TRDN: variants seen among roughly 807,000 people sequenced by gnomAD.
TRDN encodes triadin in skeletal muscle.
In TRDN, 161 loss-of-function variants were observed where a neutral mutation model predicts 149.7. The ratio of observed to expected loss-of-function variants is 1.08; its 90% CI spans 0.95 to 1.23. The LOEUF (loss-of-function observed/expected upper bound fraction) is 1.23. TRDN is among the 50% of genes most tolerant of loss of function. The probability of loss-of-function intolerance (pLI) is 0.00; values close to 1 mark genes in which losing one functional copy is unlikely to be tolerated. For missense variants in TRDN, 896 were observed against 823.5 expected (o/e 1.09, Z -1.08); for synonymous variants, 294 against 250.5 (o/e 1.17, Z -1.64).
At position 123,273,031 on chromosome 6, in the gene TRDN, A is replaced by T; in HGVS notation, c.1625-20T>A. 6.9e-7 allele frequency: 1 copy of T among 1,458,650 alleles called. No homozygotes were observed. Among genetic ancestry groups the T allele is most frequent in the Non-Finnish European group, 9.1e-7 (1 of 1,095,484 alleles). 90.4% of individuals were successfully genotyped at this position (1,458,650 alleles called of 1,614,324 possible). On this transcript the variant is annotated intron_variant, in intron 28 of 40. Transcript: ENST00000334268. Reference sequence around the variant, plus strand: ...CTTGTTCTGAAAATAATAAAAAGAAAATCTTTTTTAGGTATTTAGAAGCTG... The same window carrying T: ...CTTGTTCTGAAAATAATAAAAAGAATATCTTTTTTAGGTATTTAGAAGCTG...
At position 123,492,793 on chromosome 6, in the gene TRDN, T is replaced by C. The variant is rs1778278333; in HGVS notation, c.853+4400A>G. On this transcript the variant is annotated intron_variant, in intron 9 of 40. Transcript: ENST00000334268. The stretch of plus-strand genomic sequence containing the variant: ...AATTGTGTTTTGATGTTGCAAATAA[T>C]GTCTGTCTTGACCAGTTTTAATAGT... Among the ~76,000 whole-genome samples the C allele has an allele frequency of 2.0e-5, 3 of 152,148 alleles. No individual in the cohort carries two copies. The South Asian group carries it at 6.2e-4, about 31-fold the overall frequency.
intron 10 of TRDN, 153 bp downstream of exon 10, chr6:123,464,753 G>T (rs1448570358): frequency 1.4e-6 from 2 of 1,403,442 alleles, no homozygotes; most frequent in African/African-American, 2.9e-5. Context: ...GAAGCAAATT[G>T]CAATTTTAGG....
intron 10 of TRDN, among the ~76,000 whole-genome samples, chr6:123,440,577 AG>A (rs753467547): frequency 9.9e-5 from 15 of 152,206 alleles, no homozygotes; most frequent in Non-Finnish European, 2.1e-4. Context: ...GTATCAGCAA[AG>A]GGGTTAATTA....
intron 24 of TRDN, among the ~76,000 whole-genome samples, chr6:123,297,397 A>G (rs1278501483): frequency 6.6e-6 from 1 of 152,046 alleles, no homozygotes; most frequent in Non-Finnish European, 1.5e-5. Context: ...ATGATCGAGC[A>G]TGAAAGATTA....
intron 3 of TRDN, 101 bp from the exon 4 acceptor site, chr6:123,547,473 A>G: frequency 1.4e-6 from 1 of 690,616 alleles, no homozygotes; most frequent in East Asian, 3.4e-5. Context: ...AAAATCTATT[A>G]GTTTTAACAA....
rs1386440686 is a variant in TRDN at position 123,218,156 on chromosome 6, C to G, written c.*445G>C. On this transcript the variant is annotated 3_prime_UTR_variant, in exon 41 of 41. Transcript: ENST00000334268. ...TATTGGGTAAATTAAGTTTAGATAC[C>G]CATATGATGCAAAAGGGTCACTTTT... 6.6e-6 allele frequency: 1 copy of G among 151,492 alleles called. No homozygotes were observed. The highest frequency in any genetic ancestry group is 2.0e-4 in the East Asian group (1 of 5,102). 9.4% of individuals were successfully genotyped at this position (151,492 alleles called of 1,614,324 possible).
intron 3 of TRDN, 38 bp from the exon 4 acceptor site, chr6:123,547,410 A>G: frequency 8.0e-7 from 1 of 1,247,674 alleles, no homozygotes; most frequent in Non-Finnish European, 1.1e-6. Context: ...GTTAGAAAAT[A>G]TTTTAGCATA....
chr6:123,483,257 C>T (rs1777842455), intron 9 of TRDN, among the ~76,000 whole-genome samples: 1 of 151,392 alleles, frequency 6.6e-6, no homozygotes, highest in African/African-American at 2.4e-5. Context: ...CGTGTGCCAC[C>T]ATGCCAGGCT....
At chr6:123,375,664 T>G (rs1781475680) in intron 18 of TRDN, 33 bp from the exon 19 acceptor site, 1 of 1,473,718 alleles carries the variant, frequency 6.8e-7, no homozygotes, top group Admixed American at 2.3e-5. Context: ...AGGTCAACAG[T>G]AATTACAAAT....
At chr6:123,445,533 T>G (rs1292419430) in intron 10 of TRDN, among the ~76,000 whole-genome samples, 1 of 96,592 alleles carries the variant, frequency 1.0e-5, no homozygotes, top group Admixed American at 1.1e-4. Context: ...TCAAACAAAT[T>G]TACAAGAAAA....
At chr6:123,314,415 G>A (rs984361645) in intron 24 of TRDN, among the ~76,000 whole-genome samples, 5 of 151,870 alleles carry the variant, frequency 3.3e-5, no homozygotes, top group South Asian at 2.1e-4. Context: ...AAATTAGTTC[G>A]ACCATTGTGG....
At chr6:123,395,052 C>G (rs1772662416) in intron 12 of TRDN, among the ~76,000 whole-genome samples, 1 of 152,228 alleles carries the variant, frequency 6.6e-6, no homozygotes, top group Non-Finnish European at 1.5e-5. Flanking sequence ...CCATTCTGCT[C>G]AGATGTTTTA....
intron 22 of TRDN, among the ~76,000 whole-genome samples, chr6:123,336,691 TA>T (rs1460753993): frequency 6.6e-6 from 1 of 151,876 alleles, no homozygotes; most frequent in Non-Finnish European, 1.5e-5. Flanking sequence ...TACATCATAT[TA>T]GATGCAGAAT....
intron 2 of TRDN, among the ~76,000 whole-genome samples, chr6:123,560,763 A>C (rs753666040): frequency 3.9e-5 from 6 of 152,190 alleles, no homozygotes; most frequent in Non-Finnish European, 7.3e-5. Context: ...TTCTTGGACC[A>C]AAGAAAATAT....
rs749284825 is a variant in TRDN at position 123,283,084 on chromosome 6, A to T, written c.1511-4002T>A. Among the ~76,000 whole-genome samples, 4 of 152,064 alleles carry T rather than the reference A, an allele frequency of 2.6e-5. No homozygotes were observed. In the South Asian group the frequency reaches 8.3e-4, roughly 32 times the overall value. ...AATGGGCCACAAAACAAGTCCTTAA[A>T]AATTTCAGAAAATTGAAATGATAAC... On this transcript the variant is annotated intron_variant, in intron 24 of 40. Transcript: ENST00000334268.
intron 6 of TRDN, among the ~76,000 whole-genome samples, chr6:123,514,382 T>A (rs555961614): frequency 1.3e-5 from 2 of 152,084 alleles, no homozygotes; most frequent in South Asian, 4.2e-4. Context: ...TTTTTTAAAC[T>A]TGAGGAAAAT....
At chr6:123,323,512 T>C (rs1222955771) in intron 23 of TRDN, among the ~76,000 whole-genome samples, 3 of 152,198 alleles carry the variant, frequency 2.0e-5, no homozygotes, top group African/African-American at 4.8e-5. Context: ...GATAAGTTTC[T>C]GTAGGTGTAG....
At chr6:123,243,682 A>G (rs925382382) in intron 38 of TRDN, among the ~76,000 whole-genome samples, 1 of 152,166 alleles carries the variant, frequency 6.6e-6, no homozygotes, top group African/African-American at 2.4e-5. Flanking sequence ...AATCAAGTAA[A>G]AGAAAGAAAA....
At chr6:123,266,171 T>C (rs1222689666) in intron 32 of TRDN, among the ~76,000 whole-genome samples, 1 of 88,490 alleles carries the variant, frequency 1.1e-5, no homozygotes, top group Non-Finnish European at 2.0e-5. Flanking sequence ...TAATATGTAT[T>C]ATATATTATA....
Sources: gnomAD v4.1 joint callset for allele counts (sites outside exome capture counted in the v4.1 genomes callset) on GRCh38, gnomAD v4.1.1 for gene constraint, MANE v1.5 for transcripts, NCBI Gene and HGNC (gene_info 2026-07-23, HGNC 2026-07-21) for gene names.